Variants in ZSWIM6 observed in about 807,000 individuals in gnomAD.
The protein encoded by ZSWIM6 is zinc finger SWIM domain-containing protein 6.
A neutral mutation model predicts 113.2 loss-of-function variants in ZSWIM6; 9 were observed. The observed-to-expected ratio is 0.08, with a 90% CI of 0.05 to 0.14. The LOEUF is 0.14. Ranked by LOEUF, ZSWIM6 falls within the 10% of genes least tolerant of loss-of-function variation. The pLI is 1.00. For missense variants in ZSWIM6, 1,162 were observed against 1,552.2 expected (o/e 0.75, Z 4.22); for synonymous variants, 611 against 606.5 (o/e 1.01, Z -0.11).
intron 1 of ZSWIM6, among the ~76,000 whole-genome samples, chr5:61,454,814 C>T (rs1047932308): frequency 1.3e-5 from 2 of 151,792 alleles, no homozygotes; most frequent in Non-Finnish European, 2.9e-5. Context: ...AAACTCCTGA[C>T]CTGAAATGAT....
intron 1 of ZSWIM6, among the ~76,000 whole-genome samples, chr5:61,341,068 C>T (rs190534984): frequency 6.6e-6 from 1 of 152,308 alleles, no homozygotes; most frequent in East Asian, 1.9e-4. Flanking sequence ...CAGTTCTGGC[C>T]AGGGCCATTA....
chr5:61,390,575 CATTGTCAGAATGCT>C (rs1579970672), intron 1 of ZSWIM6: 2 of 563,260 alleles, frequency 3.6e-6, no homozygotes, highest in East Asian at 7.4e-5. Context: ...TGTGAATGAG[CATTGTCAGAATGCT>C]ATCTCAAAAA....
Position 61,472,784 on chromosome 5 carries a change from G to C in ZSWIM6, c.780G>C (p.Val260=), listed in dbSNP as rs1429183965. Reference sequence around the variant, plus strand: ...TTGATCGTTGCAAGATTACCTCAGTGACCTGCAGCTGTGGAAACAAGGACA... The same window carrying C: ...TTGATCGTTGCAAGATTACCTCAGTCACCTGCAGCTGTGGAAACAAGGACA... The part of the protein sequence containing the change: ...ISFDRCKITS[V]TCSCGNKDIF... Residue 260 remains valine, a synonymous_variant, in exon 2 of 14, where the codon GTG becomes GTC. Transcript: ENST00000252744. This position sits in a 1 kb window ranked among gnomAD's most constrained non-coding sequence, Gnocchi z 4.1. 3 of 1,551,738 alleles carry C rather than the reference G, an allele frequency of 1.9e-6. No individual in the cohort carries two copies. The South Asian group carries it at 3.6e-5, about 18-fold the overall frequency.
At chr5:61,453,606 G>A (rs1179040615) in intron 1 of ZSWIM6, among the ~76,000 whole-genome samples, 2 of 151,792 alleles carry the variant, frequency 1.3e-5, no homozygotes, top group Non-Finnish European at 2.9e-5. Flanking sequence ...AAACTCCTGG[G>A]CTCAAGCAGT....
intron 1 of ZSWIM6, among the ~76,000 whole-genome samples, chr5:61,365,229 G>A (rs1270599320): frequency 6.6e-6 from 1 of 152,082 alleles, no homozygotes; most frequent in African/African-American, 2.4e-5. Flanking sequence ...GCAGGTGCTT[G>A]TAGTCCCAGC....
chr5:61,489,880 G>A (rs78410062), intron 2 of ZSWIM6, among the ~76,000 whole-genome samples: 1 of 151,914 alleles, frequency 6.6e-6, no homozygotes, highest in Admixed American at 6.6e-5. Context: ...GCAGATGTTA[G>A]TGATTATTTC....
chr5:61,493,573 T>C (rs367864960), intron 3 of ZSWIM6, among the ~76,000 whole-genome samples: 2 of 152,278 alleles, frequency 1.3e-5, no homozygotes, highest in Admixed American at 6.5e-5. Flanking sequence ...GTAAGTACAA[T>C]CAGTTGGAGA....
intron 1 of ZSWIM6, among the ~76,000 whole-genome samples, chr5:61,440,362 A>T (rs1395456743): frequency 1.8e-5 from 1 of 56,760 alleles, no homozygotes; most frequent in Non-Finnish European, 4.0e-5. Flanking sequence ...CATTGGTGTA[A>T]AAAAAAAAAA....
intron 3 of ZSWIM6, among the ~76,000 whole-genome samples, chr5:61,492,435 G>A (rs139156117): frequency 6.6e-6 from 1 of 152,118 alleles, no homozygotes; most frequent in African/African-American, 2.4e-5. Context: ...GACAGATACG[G>A]GTTCTGATCC....
intron 4 of ZSWIM6, among the ~76,000 whole-genome samples, chr5:61,511,349 A>C (rs1356697057): frequency 6.6e-6 from 1 of 152,148 alleles, no homozygotes; most frequent in Non-Finnish European, 1.5e-5. Context: ...TTTTTCTTCA[A>C]AATCATAGAA....
At chr5:61,538,011 G>A (rs2112287364) in intron 10 of ZSWIM6, among the ~76,000 whole-genome samples, 1 of 152,156 alleles carries the variant, frequency 6.6e-6, no homozygotes, top group African/African-American at 2.4e-5. Context: ...TGTAATCATG[G>A]CTCCCAGGCT....
chr5:61,541,818 C>T (rs1440138125), intron 12 of ZSWIM6, 66 bp from the exon 13 acceptor site: 3 of 1,282,542 alleles, frequency 2.3e-6, no homozygotes, highest in Non-Finnish European at 3.3e-6. Context: ...TATAGTTTAT[C>T]CCCCCCCTTT....
At chr5:61,400,419 T>C (rs1399001251) in intron 1 of ZSWIM6, among the ~76,000 whole-genome samples, 1 of 152,216 alleles carries the variant, frequency 6.6e-6, no homozygotes, top group Non-Finnish European at 1.5e-5. Flanking sequence ...GAAAAGCATA[T>C]AATACTTCAG....
intron 3 of ZSWIM6, among the ~76,000 whole-genome samples, chr5:61,493,405 T>A (rs1748232534): frequency 6.6e-6 from 1 of 152,184 alleles, no homozygotes; most frequent in South Asian, 2.1e-4. Flanking sequence ...ATTGTACGTT[T>A]TAAATTGGTG....
intron 1 of ZSWIM6, among the ~76,000 whole-genome samples, chr5:61,376,812 G>A (rs1745382076): frequency 6.9e-6 from 1 of 145,626 alleles, no homozygotes; most frequent in South Asian, 2.2e-4. Flanking sequence ...TGTTTAGGCT[G>A]CAATGTTTAG....
rs1281078416 is a variant in ZSWIM6, at chr5:61,546,083, AATTT to A, written c.*1773_*1776del. On this transcript the variant is annotated 3_prime_UTR_variant, in exon 14 of 14. Coordinates refer to ENST00000252744, the MANE Select transcript of ZSWIM6 (RefSeq NM_020928.2). ...AATTAAGATTTGATACACTGATATC[AATTT>A]ATTTATGTAACTAAATCACTGTTTT... 3.3e-5 allele frequency: 5 copies of A among 152,244 alleles called. No homozygotes were observed. The highest frequency in any genetic ancestry group is 4.8e-5 in the African/African-American group (2 of 41,472). 9.4% of individuals were successfully genotyped at this position (152,244 alleles called of 1,614,324 possible). A position where few individuals can be genotyped will look rare whatever the true frequency, so the allele number is the denominator to read the frequency against.
chr5:61,456,764 A>C (rs1747212611), intron 1 of ZSWIM6, among the ~76,000 whole-genome samples: 1 of 152,246 alleles, frequency 6.6e-6, no homozygotes, highest in Admixed American at 6.5e-5. Flanking sequence ...TTAGACCAGT[A>C]GTAAGATACA....
At chr5:61,388,249 CT>C (rs1745630370) in intron 1 of ZSWIM6, among the ~76,000 whole-genome samples, 1 of 152,070 alleles carries the variant, frequency 6.6e-6, no homozygotes, top group Non-Finnish European at 1.5e-5. Context: ...TCACAAAGTG[CT>C]GGGATCACAG....
intron 1 of ZSWIM6, among the ~76,000 whole-genome samples, chr5:61,356,766 T>C (rs1183935415): frequency 7.1e-6 from 1 of 140,322 alleles, no homozygotes; most frequent in Non-Finnish European, 1.5e-5. Flanking sequence ...ATATAATATG[T>C]ATAATATATA....
Sources: gnomAD v4.1 joint callset for allele counts (sites outside exome capture counted in the v4.1 genomes callset) on GRCh38, gnomAD v4.1.1 for gene constraint, Gnocchi (gnomAD v3.1) non-coding constraint, MANE v1.5 for transcripts, NCBI Gene and HGNC (gene_info 2026-07-23, HGNC 2026-07-21) for gene names.